PRKAR1B: variants seen among roughly 807,000 people sequenced by gnomAD.
PRKAR1B encodes the protein cAMP-dependent protein kinase type I-beta regulatory subunit.
In PRKAR1B, 22 loss-of-function variants were observed where a neutral mutation model predicts 46.5. That is an observed-to-expected ratio of 0.47 (90% CI 0.34 to 0.68). The LOEUF (loss-of-function observed/expected upper bound fraction) is 0.68, where lower values mean the gene tolerates loss of function less well. PRKAR1B is among the 30% of genes least tolerant of loss of function. The probability of loss-of-function intolerance (pLI) is 0.01; values close to 1 mark genes in which losing one functional copy is unlikely to be tolerated. For missense variants in PRKAR1B, 445 were observed against 535.6 expected, an observed-to-expected ratio of 0.83 and a Z score of 1.67; for synonymous variants, 259 against 217.7, an observed-to-expected ratio of 1.19 and a Z score of -1.67.
At position 644,784 on chromosome 7, in the gene PRKAR1B, T is replaced by C. The variant is rs1784547791; in HGVS notation, c.440+32445A>G. Reference sequence around the variant, plus strand: ...GGGCCAGACCCTTCCCCCAGACACCTCCCATAGCCTTCCAGGGAAGCGGGC... The same window carrying C: ...GGGCCAGACCCTTCCCCCAGACACCCCCCATAGCCTTCCAGGGAAGCGGGC... On this transcript the variant is annotated intron_variant, in intron 4 of 10. Coordinates refer to ENST00000537384, the MANE Select transcript of PRKAR1B (RefSeq NM_001164760.2). The surrounding 1 kb of genome is among the most constrained non-coding windows in gnomAD (Gnocchi z 4.9). 6.6e-6 allele frequency among the ~76,000 whole-genome samples: 1 copy of C among 151,832 alleles called. No homozygotes were observed. Among genetic ancestry groups the C allele is most frequent in the Non-Finnish European group, 1.5e-5 (1 of 67,926 alleles).
At chr7:566,149 T>C (rs1263833316) in intron 9 of PRKAR1B, among the ~76,000 whole-genome samples, 2 of 151,922 alleles carry the variant, frequency 1.3e-5, no homozygotes, top group Non-Finnish European at 2.9e-5. Context: ...ACCTTTATCA[T>C]TACCATTACC....
At chr7:636,386 G>A (rs1385457389) in intron 4 of PRKAR1B, among the ~76,000 whole-genome samples, 1 of 60,406 alleles carries the variant, frequency 1.7e-5, no homozygotes, top group South Asian at 6.2e-4. Context: ...GTCCTCCACC[G>A]GCCGCGCCCT....
chr7:622,418 G>T (rs761492223), intron 4 of PRKAR1B, among the ~76,000 whole-genome samples: 1 of 152,230 alleles, frequency 6.6e-6, no homozygotes. Context: ...AAGAAATAAA[G>T]AATTTTTGTG....
chr7:631,572 G>A (rs912347535), intron 4 of PRKAR1B, among the ~76,000 whole-genome samples: 5 of 152,338 alleles, frequency 3.3e-5, no homozygotes, highest in South Asian at 4.1e-4. Context: ...AAGGTGCTGC[G>A]TGGAAAAGCC....
intron 9 of PRKAR1B, among the ~76,000 whole-genome samples, chr7:578,247 G>A (rs537894888): frequency 8.7e-5 from 13 of 149,672 alleles, no homozygotes; most frequent in South Asian, 2.1e-4. Flanking sequence ...GTTCACACGC[G>A]AATTCCTGCC....
intron 2 of PRKAR1B, among the ~76,000 whole-genome samples, chr7:692,938 C>CAT (rs1304118566): frequency 6.8e-6 from 1 of 147,024 alleles, no homozygotes; most frequent in Non-Finnish European, 1.5e-5. Flanking sequence ...GTGAGTGGGA[C>CAT]TTTTTTTTTT....
At chr7:648,559 C>T (rs546491999) in intron 4 of PRKAR1B, among the ~76,000 whole-genome samples, 104 of 151,602 alleles carry the variant, frequency 6.9e-4, no homozygotes, top group African/African-American at 2.3e-3. Context: ...TGCAGTGAGC[C>T]GAGATCACGC....
chr7:691,222 C>T (rs921528808), intron 2 of PRKAR1B, among the ~76,000 whole-genome samples: 1 of 151,988 alleles, frequency 6.6e-6, no homozygotes, highest in Non-Finnish European at 1.5e-5. Flanking sequence ...CTCAAACTGG[C>T]CAGTCCACTG....
At chr7:711,572 G>C in intron 1 of PRKAR1B, 45 bp from the exon 2 acceptor site, 1 of 1,557,914 alleles carries the variant, frequency 6.4e-7, no homozygotes. Flanking sequence ...AGCTGCCCGG[G>C]GCTGCGCGCC....
chr7:579,271 A>G lies in PRKAR1B; in HGVS notation c.876T>C (p.Phe292=). The stretch of plus-strand genomic sequence containing the variant: ...CACGTCTCACCTCCGTGATGATGTA[A>G]AAGTCGTCCCCAGGCTCTCCCTGGA... ...IVVQGEPGDD[F]YIITEGTASV... is the part of the protein sequence containing the mutation. Residue 292 remains phenylalanine, a synonymous_variant, in exon 9 of 11, where the codon TTT becomes TTC. Coordinates refer to ENST00000537384, the MANE Select transcript of PRKAR1B (RefSeq NM_001164760.2). 6.2e-7 allele frequency: 1 copy of G among 1,614,164 alleles called. No individual in the cohort carries two copies. Among genetic ancestry groups the G allele is most frequent in the South Asian group, 1.1e-5 (1 of 91,086 alleles).
chr7:588,681 A>ATGGTGATGGTGG (rs201663338), intron 7 of PRKAR1B, among the ~76,000 whole-genome samples: 3 of 20,186 alleles, frequency 1.5e-4, no homozygotes, highest in Non-Finnish European at 3.2e-4. Flanking sequence ...GGTGATGACG[A>ATGGTGATGGTGG]TGATGGTGAT....
At chr7:604,813 C>G (rs919580485) in intron 6 of PRKAR1B, among the ~76,000 whole-genome samples, 1 of 152,028 alleles carries the variant, frequency 6.6e-6, no homozygotes, top group African/African-American at 2.4e-5. Flanking sequence ...GTTGCCTGCA[C>G]GGAAGAGTGC....
At chr7:724,835 G>C (rs1781193075) in intron 1 of PRKAR1B, among the ~76,000 whole-genome samples, 1 of 152,200 alleles carries the variant, frequency 6.6e-6, no homozygotes, top group Admixed American at 6.5e-5. Flanking sequence ...TGTCCCACAT[G>C]TTGCAGACAG....
At chr7:662,756 C>T (rs2060048235) in intron 4 of PRKAR1B, among the ~76,000 whole-genome samples, 1 of 152,222 alleles carries the variant, frequency 6.6e-6, no homozygotes, top group Non-Finnish European at 1.5e-5. Context: ...CCCCTCCAGT[C>T]CCACGGGCAC....
chr7:599,962 G>A (rs560244155), intron 6 of PRKAR1B, among the ~76,000 whole-genome samples: 1 of 131,820 alleles, frequency 7.6e-6, no homozygotes, highest in African/African-American at 2.8e-5. Flanking sequence ...GGAGGCGCAC[G>A]GGCAGGCCCC....
chr7:551,615 T>G, intron 9 of PRKAR1B, 145 bp from the exon 10 acceptor site: 1 of 751,320 alleles, frequency 1.3e-6, no homozygotes, highest in Non-Finnish European at 2.2e-6. Context: ...CGACACCACG[T>G]CACCACCCAA....
At chr7:691,779 G>T in intron 2 of PRKAR1B, 3 of 1,194,456 alleles carry the variant, frequency 2.5e-6, no homozygotes, top group Non-Finnish European at 3.2e-6. Flanking sequence ...ACAAACACCG[G>T]CAATCACCTC....
At chr7:726,621 C>A in intron 1 of PRKAR1B, 1 of 959,518 alleles carries the variant, frequency 1.0e-6, no homozygotes, top group Non-Finnish European at 1.3e-6. Flanking sequence ...GAGGAAGTAG[C>A]CCGGCGCCCC....
intron 2 of PRKAR1B, among the ~76,000 whole-genome samples, chr7:693,827 C>A (rs1340600950): frequency 1.3e-5 from 2 of 152,216 alleles, no homozygotes; most frequent in African/African-American, 2.4e-5. Context: ...TGCCAAGCTT[C>A]CTTCCACTGT....
Sources: allele counts gnomAD v4.1 joint callset (sites outside exome capture counted in the v4.1 genomes callset), GRCh38; gene constraint gnomAD v4.1.1; non-coding constraint Gnocchi (gnomAD v3.1); transcripts MANE v1.5; gene names NCBI Gene and HGNC (gene_info 2026-07-23, HGNC 2026-07-21).